The following PREPL variants were observed in gnomAD, a reference collection of about 807,000 sequenced individuals.
The protein encoded by PREPL is prolyl endopeptidase like.
A neutral mutation model predicts 70.6 loss-of-function variants in PREPL; 77 were observed. The observed-to-expected ratio is 1.09, with a 90% CI of 0.91 to 1.32. The LOEUF (loss-of-function observed/expected upper bound fraction) is 1.32, where lower values mean the gene tolerates loss of function less well. Among genes scored for constraint, PREPL ranks in the 40% most tolerant of loss-of-function variants. The probability of loss-of-function intolerance (pLI) is 0.00; values close to 1 mark genes in which losing one functional copy is unlikely to be tolerated. For missense variants in PREPL, 1,002 were observed against 778.2 expected (o/e 1.29, Z -3.42); for synonymous variants, 315 against 264.8 (o/e 1.19, Z -1.84).
At chr2:44,327,327 G>A (rs1313724671) in intron 9 of PREPL, among the ~76,000 whole-genome samples, 1 of 152,166 alleles carries the variant, frequency 6.6e-6, no homozygotes, top group Non-Finnish European at 1.5e-5. Flanking sequence ...GCAATGTGGT[G>A]TCATTGCTAC....
At chr2:44,321,577 G>A (rs1198566931) in intron 13 of PREPL, 132 bp from the exon 14 acceptor site, 11 of 1,494,762 alleles carry the variant, frequency 7.4e-6, no homozygotes, top group Non-Finnish European at 9.8e-6. Flanking sequence ...ACTTTCATTC[G>A]AGAGAGAGGC....
At chr2:44,335,433 T>C (rs1389522414) in intron 7 of PREPL, among the ~76,000 whole-genome samples, 21 of 152,184 alleles carry the variant, frequency 1.4e-4, no homozygotes, top group Admixed American at 9.8e-4. Flanking sequence ...TAATAATAGA[T>C]GCTCCACCAG....
chr2:44,347,154 G>T (rs957710136), intron 1 of PREPL: 4 of 151,854 alleles, frequency 2.6e-5, no homozygotes, highest in African/African-American at 9.7e-5. Flanking sequence ...AACATAGCGA[G>T]ACCCCGTCTC....
chr2:44,343,885 T>C lies in PREPL; in HGVS notation c.209A>G (p.Asp70Gly). The stretch of plus-strand genomic sequence containing the variant: ...TTCATCTGGAGCAACTCTGATACAA[T>C]CAATGAAGGGCTGGTCTAACTTAAG... ...EELKLDQPFI[D>G]CIRVAPDEKY... Residue 70 changes from aspartate (D) to glycine (G), a missense_variant, in exon 4 of 14, where the codon GAT becomes GGT. Asp to Gly is a moderately conservative substitution (Grantham distance 94). Transcript: ENST00000409411. The C allele has an allele frequency of 6.2e-7, 1 of 1,614,096 alleles. No individual in the cohort carries two copies. The highest frequency in any genetic ancestry group is 8.5e-7 in the Non-Finnish European group (1 of 1,179,956).
At chr2:44,360,002 C>G (rs1174200387) in intron 1 of PREPL, 2 of 337,966 alleles carry the variant, frequency 5.9e-6, no homozygotes, top group Non-Finnish European at 1.1e-5. Context: ...CAGGCTCAAA[C>G]TATGCAGCAC....
chr2:44,345,986 T>A (rs1675771158), intron 2 of PREPL, among the ~76,000 whole-genome samples: 1 of 152,062 alleles, frequency 6.6e-6, no homozygotes, highest in South Asian at 2.1e-4. Flanking sequence ...TTGAAATTTT[T>A]TTTTTTTAAA....
chr2:44,320,379 G>A lies in PREPL; in HGVS notation c.*977C>T. On this transcript the variant is annotated 3_prime_UTR_variant, in exon 14 of 14. Transcript: ENST00000409411. The stretch of plus-strand genomic sequence containing the variant: ...AATCTTTATCGTGGTTCTGAATTTT[G>A]GAGAATCAACACTGTTAAATCTACA... 6.2e-7 allele frequency: 1 copy of A among 1,614,066 alleles called. No individual in the cohort carries two copies.
chr2:44,344,430 T>G, intron 3 of PREPL, 90 bp downstream of exon 3: 3 of 987,776 alleles, frequency 3.0e-6, no homozygotes, highest in Non-Finnish European at 4.3e-6. Context: ...TAAAAAAATC[T>G]TTTCTCTATC....
Position 44,328,931 on chromosome 2 carries a change from A to T in PREPL, c.1262+6T>A, listed in dbSNP as rs753517082. Reference sequence around the variant, plus strand: ...CTTACATGCCAGGTAAAATATACTGACTCACCGAACATGGCAGTATGCTAA... The same window carrying T: ...CTTACATGCCAGGTAAAATATACTGTCTCACCGAACATGGCAGTATGCTAA... On this transcript the variant is annotated splice_donor_region_variant and intron_variant, in intron 9 of 13. Transcript: ENST00000409411. The T allele has an allele frequency of 6.2e-7, 1 of 1,609,036 alleles. No homozygotes were observed. The highest frequency in any genetic ancestry group is 1.3e-5 in the African/African-American group (1 of 74,724).
At chr2:44,359,972 A>G in intron 1 of PREPL, 2 of 429,862 alleles carry the variant, frequency 4.7e-6, no homozygotes, top group South Asian at 6.3e-5. Flanking sequence ...TAAATGTCTC[A>G]TTTGTAAAGT....
intron 7 of PREPL, among the ~76,000 whole-genome samples, chr2:44,333,864 T>C (rs192884731): frequency 6.6e-6 from 1 of 152,172 alleles, no homozygotes; most frequent in Admixed American, 6.5e-5. Context: ...GCTACAAACC[T>C]CATAACCAGG....
intron 7 of PREPL, among the ~76,000 whole-genome samples, chr2:44,337,167 T>C (rs1298663788): frequency 6.6e-6 from 1 of 152,218 alleles, no homozygotes; most frequent in African/African-American, 2.4e-5. Context: ...ATTTTCTGAA[T>C]GTCAGAGCAT....
intron 10 of PREPL, among the ~76,000 whole-genome samples, chr2:44,325,229 T>C (rs1336594655): frequency 6.6e-6 from 1 of 152,244 alleles, no homozygotes; most frequent in Non-Finnish European, 1.5e-5. Flanking sequence ...ACCAGACACA[T>C]GTGCTTTACA....
Position 44,317,893 on chromosome 2 carries a change from TAACAAA to T in PREPL, c.*3457_*3462del, listed in dbSNP as rs1672562079. The T allele has an allele frequency of 4.5e-6, 1 of 222,874 alleles. No individual in the cohort carries two copies. 13.8% of individuals were successfully genotyped at this position (222,874 alleles called of 1,614,324 possible). The stretch of plus-strand genomic sequence containing the variant: ...CTATTAAAAGATAAAACCACTCAGA[TAACAAA>T]AACAGACATAAGAAACACTAACATA... On this transcript the variant is annotated 3_prime_UTR_variant, in exon 14 of 14. Transcript: ENST00000409411.
chr2:44,321,466 A>T, intron 13 of PREPL, 21 bp from the exon 14 acceptor site: 1 of 1,605,688 alleles, frequency 6.2e-7, no homozygotes, highest in Non-Finnish European at 8.5e-7. Flanking sequence ...CACATTAAAA[A>T]AATTAAATAG....
In PREPL at chr2:44,342,588, C is replaced by T. The variant is rs375561533; in HGVS notation, c.350-36G>A. ...ATAATGAGATAATTATACATAATCACCTACACTCCATTAAAAAAAAAAAAA... is the reference window on the plus strand; with the variant it reads ...ATAATGAGATAATTATACATAATCATCTACACTCCATTAAAAAAAAAAAAA... On this transcript the variant is annotated intron_variant, in intron 4 of 13. Coordinates refer to ENST00000409411, the MANE Select transcript of PREPL (RefSeq NM_001171613.2). The T allele has an allele frequency of 2.9e-6, 4 of 1,366,040 alleles. No individual in the cohort carries two copies. In the South Asian group the frequency reaches 5.9e-5, roughly 20 times the overall value. The allele number at this position is 1,366,040 out of a possible 1,614,324, so 84.6% of individuals were successfully genotyped here. A position where few individuals can be genotyped will look rare whatever the true frequency, so the allele number is the denominator to read the frequency against.
intron 8 of PREPL, among the ~76,000 whole-genome samples, chr2:44,330,042 G>A (rs1673933963): frequency 6.6e-6 from 1 of 152,116 alleles, no homozygotes; most frequent in South Asian, 2.1e-4. Context: ...AAATAAGGAG[G>A]AAATTCTCCT....
intron 13 of PREPL, 132 bp downstream of exon 13, chr2:44,321,695 T>G: frequency 1.3e-6 from 2 of 1,573,454 alleles, no homozygotes; most frequent in South Asian, 2.3e-5. Context: ...CTCCCTCCCC[T>G]CCTGGGTCTC....
intron 1 of PREPL, among the ~76,000 whole-genome samples, chr2:44,348,775 G>A (rs544261390): frequency 3.3e-4 from 50 of 152,222 alleles, no homozygotes; most frequent in Middle Eastern, 3.4e-3. Context: ...CTCTTCTAAA[G>A]GAATTACTCC....
Sources: gnomAD v4.1 joint callset for allele counts (sites outside exome capture counted in the v4.1 genomes callset) on GRCh38, gnomAD v4.1.1 for gene constraint, MANE v1.5 for transcripts, NCBI Gene and HGNC (gene_info 2026-07-23, HGNC 2026-07-21) for gene names.